Variants in DPP6 observed in about 807,000 individuals in gnomAD.
DPP6 encodes A-type potassium channel modulatory protein DPP6.
In DPP6, 69 loss-of-function variants were observed where a neutral mutation model predicts 122.6. The observed-to-expected ratio is 0.56, with a 90% CI of 0.46 to 0.69. DPP6 has a LOEUF of 0.69. DPP6 is among the 30% of genes least tolerant of loss of function. The pLI, the probability that DPP6 is intolerant of heterozygous loss-of-function variation, is 0.00. For missense variants in DPP6, 928 were observed against 1,116.9 expected (o/e 0.83, Z 2.41); for synonymous variants, 418 against 433.1 (o/e 0.97, Z 0.43).
At chr7:154,441,635 G>C (rs1819380589) in intron 1 of DPP6, among the ~76,000 whole-genome samples, 1 of 152,208 alleles carries the variant, frequency 6.6e-6, no homozygotes, top group South Asian at 2.1e-4. Context: ...GATTTTAACA[G>C]AGAGGAGAGA....
chr7:154,200,454 CG>C (rs1799113768), intron 1 of DPP6, among the ~76,000 whole-genome samples: 1 of 152,080 alleles, frequency 6.6e-6, no homozygotes. Flanking sequence ...TGAGAACCGC[CG>C]GGTGGAGATT....
chr7:154,452,155 G>A (rs896156060), intron 2 of DPP6, among the ~76,000 whole-genome samples: 5 of 152,248 alleles, frequency 3.3e-5, no homozygotes, highest in African/African-American at 9.6e-5. Context: ...TCCATGCTAA[G>A]TGCCAGACAG....
At chr7:154,149,177 G>A (rs1585490501) in intron 1 of DPP6, among the ~76,000 whole-genome samples, 1 of 152,392 alleles carries the variant, frequency 6.6e-6, no homozygotes, top group African/African-American at 2.4e-5. Flanking sequence ...TGCCTTTACA[G>A]TGAAGGAACA....
chr7:153,982,147 T>C (rs1796619721), intron 1 of DPP6, among the ~76,000 whole-genome samples: 1 of 152,108 alleles, frequency 6.6e-6, no homozygotes. Flanking sequence ...TTTTCCAACT[T>C]GGTTCCATTC....
intron 10 of DPP6, among the ~76,000 whole-genome samples, chr7:154,780,686 G>A (rs1160991773): frequency 6.6e-6 from 1 of 152,220 alleles, no homozygotes; most frequent in Admixed American, 6.5e-5. Flanking sequence ...TGGACCACAA[G>A]TAGCAAATTC....
chr7:154,518,197 A>C, intron 3 of DPP6, among the ~76,000 whole-genome samples: 1 of 152,332 alleles, frequency 6.6e-6, no homozygotes. Flanking sequence ...GTGTTAGTTA[A>C]ATTATGATTC....
intron 1 of DPP6, among the ~76,000 whole-genome samples, chr7:154,283,155 A>G (rs1804636518): frequency 6.6e-6 from 1 of 152,066 alleles, no homozygotes. Context: ...CAATCTGTTC[A>G]CCTTCTGAAC....
chr7:153,868,585 A>C, the DPP6 span, among the ~76,000 whole-genome samples: 2 of 151,406 alleles, frequency 1.3e-5, no homozygotes, highest in Non-Finnish European at 2.9e-5. Context: ...AATTTTGTTG[A>C]TCTTTTAAAA....
At chr7:153,754,380 C>A in the DPP6 span, among the ~76,000 whole-genome samples, 3 of 152,138 alleles carry the variant, frequency 2.0e-5, no homozygotes, top group African/African-American at 7.2e-5. Flanking sequence ...TGGCATTCCA[C>A]TGAGTTCTAG....
chr7:153,792,128 CATACTT>C, the DPP6 span, among the ~76,000 whole-genome samples: 2 of 152,230 alleles, frequency 1.3e-5, no homozygotes, highest in Non-Finnish European at 2.9e-5. Flanking sequence ...TTGCTAGAAT[CATACTT>C]TATTCTTTCA....
the DPP6 span, among the ~76,000 whole-genome samples, chr7:153,787,279 C>G: frequency 2.0e-5 from 3 of 147,740 alleles, 1 homozygote; most frequent in Non-Finnish European, 4.5e-5. Context: ...AGAAATGTGT[C>G]TTGAAAAAAG....
intron 1 of DPP6, among the ~76,000 whole-genome samples, chr7:153,890,735 C>T (rs974433739): frequency 7.5e-6 from 1 of 133,300 alleles, no homozygotes; most frequent in Non-Finnish European, 1.5e-5. Flanking sequence ...CTCTGTCACC[C>T]AGGCTGGAGT....
chr7:154,399,027 C>G (rs1041518207), intron 1 of DPP6, among the ~76,000 whole-genome samples: 6 of 152,184 alleles, frequency 3.9e-5, no homozygotes, highest in Non-Finnish European at 8.8e-5. Context: ...AATTGATAAG[C>G]AGCTGTGTTA....
intron 1 of DPP6, among the ~76,000 whole-genome samples, chr7:154,123,305 G>A (rs544997400): frequency 1.3e-4 from 20 of 152,228 alleles, no homozygotes; most frequent in Non-Finnish European, 2.2e-4. Context: ...GGCTTTCTTT[G>A]AAGCAGTCTT....
intron 1 of DPP6, among the ~76,000 whole-genome samples, chr7:154,080,585 A>C (rs1255066864): frequency 6.6e-6 from 1 of 152,166 alleles, no homozygotes; most frequent in African/African-American, 2.4e-5. Context: ...CCTATGGTAG[A>C]TAAGCCTTGG....
chr7:154,435,114 G>A (rs1239939671), intron 1 of DPP6, among the ~76,000 whole-genome samples: 1 of 152,214 alleles, frequency 6.6e-6, no homozygotes, highest in Non-Finnish European at 1.5e-5. Flanking sequence ...TGGAATTACA[G>A]GCATGAGCCA....
At chr7:153,755,765 T>A in the DPP6 span, among the ~76,000 whole-genome samples, 1 of 152,128 alleles carries the variant, frequency 6.6e-6, no homozygotes, top group African/African-American at 2.4e-5. Flanking sequence ...TGCTTTCCAC[T>A]TTCCAAGTGA....
chr7:154,596,638 G>A (rs1338968301), intron 5 of DPP6, among the ~76,000 whole-genome samples: 1 of 152,204 alleles, frequency 6.6e-6, no homozygotes, highest in African/African-American at 2.4e-5. Context: ...AAGTAGGAGG[G>A]AGGACTCGGG....
chr7:154,425,045 A>T (rs1817771700), intron 1 of DPP6, among the ~76,000 whole-genome samples: 1 of 152,236 alleles, frequency 6.6e-6, no homozygotes, highest in Non-Finnish European at 1.5e-5. Flanking sequence ...TTATATAATT[A>T]AATGTAGATG....
Sources: allele counts gnomAD v4.1 joint callset (sites outside exome capture counted in the v4.1 genomes callset), GRCh38; gene constraint gnomAD v4.1.1; transcripts MANE v1.5; gene names NCBI Gene and HGNC (gene_info 2026-07-23, HGNC 2026-07-21).